Variants in TTC31 observed in about 807,000 individuals in gnomAD.
TTC31 encodes tetratricopeptide repeat domain 31.
TTC31 carries 59 observed loss-of-function variants against 60.4 expected under a neutral mutation model. The observed-to-expected ratio is 0.98, with a 90% CI of 0.79 to 1.21. The LOEUF is 1.21. TTC31 is among the 50% of genes most tolerant of loss of function. The pLI is 0.00. For synonymous variants in TTC31, 225 were observed against 249.6 expected (o/e 0.90, Z 0.93); for missense variants, 672 against 646.9 (o/e 1.04, Z -0.42).
chr2:74,486,829 G>T (rs1369703024), intron 2 of TTC31, among the ~76,000 whole-genome samples: 6 of 151,852 alleles, frequency 4.0e-5, no homozygotes, highest in Non-Finnish European at 7.4e-5. Flanking sequence ...GGAGGCGGAG[G>T]TTGCGGTGAG....
chr2:74,490,150 C>G, intron 3 of TTC31, 23 bp downstream of exon 3: 1 of 1,608,394 alleles, frequency 6.2e-7, no homozygotes, highest in Non-Finnish European at 8.5e-7. Context: ...GGGACCGGGC[C>G]CAGGGATCGA....
intron 2 of TTC31, among the ~76,000 whole-genome samples, chr2:74,485,625 C>T (rs897534269): frequency 9.9e-5 from 15 of 151,898 alleles, no homozygotes; most frequent in Middle Eastern, 6.8e-3. Flanking sequence ...CGCCTGCCAC[C>T]ACGCCTGGCT....
chr2:74,490,832 T>C, intron 5 of TTC31, 93 bp downstream of exon 5: 4 of 1,285,406 alleles, frequency 3.1e-6, no homozygotes, highest in Admixed American at 2.3e-5. Flanking sequence ...GAGCTCAAGA[T>C]GGCCTGCAGT....
intron 2 of TTC31, among the ~76,000 whole-genome samples, chr2:74,485,664 G>A (rs1306719096): frequency 6.6e-6 from 1 of 151,310 alleles, no homozygotes; most frequent in African/African-American, 2.4e-5. Context: ...TAGAGACAGG[G>A]TTTCACCATG....
Position 74,490,262 on chromosome 2 carries a change from T to G in TTC31, c.251T>G (p.Leu84Trp), listed in dbSNP as rs1250834446. ...CTGACAGATTACCTCCTGGGCCACT[T>G]GGATGATGAAGGGAAATCAACTGGA... Reference protein sequence around the residue: ...LWHHDYLLGHLDDEGKSTGQS... With the variant: ...LWHHDYLLGHWDDEGKSTGQS... Residue 84 changes from leucine (L) to tryptophan (W), a missense_variant, in exon 4 of 13, where the codon TTG becomes TGG. Coordinates refer to ENST00000233623, the MANE Select transcript of TTC31 (RefSeq NM_022492.6). The G allele has an allele frequency of 3.1e-6, 5 of 1,613,874 alleles. No homozygotes were observed. Among genetic ancestry groups the G allele is most frequent in the Non-Finnish European group, 4.2e-6 (5 of 1,179,938 alleles).
chr2:74,483,806 A>T (rs1170472877), intron 2 of TTC31: 1 of 251,346 alleles, frequency 4.0e-6, no homozygotes, highest in Non-Finnish European at 7.6e-6. Context: ...GTGAGACCCC[A>T]TCTCTACAAA....
At position 74,491,308 on chromosome 2, in the gene TTC31, C is replaced by G; in HGVS notation, c.617C>G (p.Ser206Ter). Residue 206 changes from serine to a stop codon, truncating the protein, a stop_gained, in exon 7 of 13, where the codon TCA becomes TGA. Transcript: ENST00000233623. LOFTEE classifies it high-confidence loss of function. ...TCTTTCTTCCAGGCCAGCACTACCT[C>G]AGATGGAGATGAGAGCCCCCCATCC... ...YCGEPKASTT[S>*]DGDESPPSSP... 1 of 1,614,178 alleles carries G rather than the reference C, an allele frequency of 6.2e-7. No homozygotes were observed. The highest frequency in any genetic ancestry group is 8.5e-7 in the Non-Finnish European group (1 of 1,180,034).
intron 2 of TTC31, 138 bp downstream of exon 2, chr2:74,483,548 C>T: frequency 6.6e-7 from 1 of 1,526,658 alleles, no homozygotes; most frequent in South Asian, 1.2e-5. Context: ...TCCGGCCATG[C>T]CCTTGAGGAT....
At chr2:74,488,226 AGCAGTATTGGAGAT>A (rs899907290) in intron 2 of TTC31, among the ~76,000 whole-genome samples, 4 of 152,224 alleles carry the variant, frequency 2.6e-5, no homozygotes, top group African/African-American at 7.2e-5. Context: ...GAAAGTGCCT[AGCAGTATTGGAGAT>A]GCTGTTAAGC....
Position 74,492,172 on chromosome 2 carries a change from A to G in TTC31, c.962A>G (p.Tyr321Cys), listed in dbSNP as rs1006089019. 1.2e-6 allele frequency: 2 copies of G among 1,614,126 alleles called. No homozygotes were observed. Among genetic ancestry groups the G allele is most frequent in the Non-Finnish European group, 8.5e-7 (1 of 1,180,014 alleles). ...ACCAGCTTTGCTCAAAATGGTTTCT[A>G]CCATGAGGCCGTGGTCCTCTTCACC... ...LGTSFAQNGFYHEAVVLFTQA... is the reference protein window; with the variant it reads ...LGTSFAQNGFCHEAVVLFTQA... Residue 321 changes from tyrosine to cysteine, a missense_variant, in exon 10 of 13, where the codon TAC becomes TGC. Coordinates refer to ENST00000233623, the MANE Select transcript of TTC31 (RefSeq NM_022492.6).
In TTC31 at chr2:74,483,134, A is replaced by T. The variant is rs1240825505; in HGVS notation, c.39A>T (p.Leu13=). The T allele has an allele frequency of 6.2e-7, 1 of 1,614,074 alleles. No individual in the cohort carries two copies. Among genetic ancestry groups the T allele is most frequent in the African/African-American group, 1.3e-5 (1 of 74,934 alleles). Residue 13 remains leucine, a splice_region_variant and synonymous_variant, in exon 1 of 13, where the codon CTA becomes CTT. Transcript: ENST00000233623. ...PIPKTVGRIK[L]DCSLRPSCPL... ...CAAAGACTGTGGGGCGGATCAAGCT[A>T]GGTGAGCGGTATGACAAGACCAGTG...
intron 6 of TTC31, 26 bp from the exon 7 acceptor site, chr2:74,491,269 T>C (rs747903214): frequency 6.2e-7 from 1 of 1,614,114 alleles, no homozygotes; most frequent in South Asian, 1.1e-5. Context: ...TGATCCCAAC[T>C]CTGTACCTGT....
Position 74,491,992 on chromosome 2 carries a change from C to T in TTC31, c.877-12C>T, listed in dbSNP as rs778300364. On this transcript the variant is annotated splice_polypyrimidine_tract_variant and intron_variant, in intron 8 of 12. Transcript: ENST00000233623. The stretch of plus-strand genomic sequence containing the variant: ...ACCTCAAGACCTGCTTGACTTTGCA[C>T]CCTATCCCCAGGCATCTCCGGGACT... 7 of 1,614,228 alleles carry T rather than the reference C, an allele frequency of 4.3e-6. No homozygotes were observed. The highest frequency in any genetic ancestry group is 1.1e-5 in the South Asian group (1 of 91,090).
Position 74,483,365 on chromosome 2 carries a change from A to G in TTC31, c.84A>G (p.Ala28=). ...GCTGCCCACTGGAGGTCGCTGCTGC[A>G]CCCAAACTTTGCAAGGAATTCGGTC... ...RPSCPLEVAA[A]PKLCKEFGPE... The change falls in exon 2 of 13, where the codon GCA becomes GCG. Residue 28 remains alanine (A), a synonymous_variant. Coordinates refer to ENST00000233623, the MANE Select transcript of TTC31 (RefSeq NM_022492.6). The G allele has an allele frequency of 6.2e-7, 1 of 1,614,140 alleles. No individual in the cohort carries two copies. Among genetic ancestry groups the G allele is most frequent in the Non-Finnish European group, 8.5e-7 (1 of 1,180,020 alleles).
chr2:74,483,266 A>T, intron 1 of TTC31, 56 bp from the exon 2 acceptor site: 5 of 1,612,188 alleles, frequency 3.1e-6, no homozygotes, highest in Non-Finnish European at 1.7e-6. Flanking sequence ...AGTGGGGAGG[A>T]CTCTAGCCCA....
intron 2 of TTC31, among the ~76,000 whole-genome samples, chr2:74,487,483 G>T (rs1038339026): frequency 3.3e-5 from 5 of 151,976 alleles, no homozygotes; most frequent in South Asian, 4.2e-4. Flanking sequence ...CTCCCGAATT[G>T]CTGGGATTAC....
chr2:74,485,364 A>G (rs1403137543), intron 2 of TTC31, among the ~76,000 whole-genome samples: 43 of 150,230 alleles, frequency 2.9e-4, no homozygotes, highest in Admixed American at 2.8e-3. Context: ...GAAGCCCCTC[A>G]TTTCCGTTCC....
chr2:74,484,113 T>C (rs1039271078), intron 2 of TTC31, among the ~76,000 whole-genome samples: 7 of 151,268 alleles, frequency 4.6e-5, no homozygotes, highest in African/African-American at 1.7e-4. Flanking sequence ...GGTGTGCGCC[T>C]GTAATCCCAG....
intron 2 of TTC31, among the ~76,000 whole-genome samples, chr2:74,485,815 G>A (rs910175951): frequency 1.1e-4 from 17 of 151,458 alleles, no homozygotes; most frequent in African/African-American, 4.1e-4. Context: ...TGTTGGTCAT[G>A]CTGATCTCAA....
Sources: allele counts gnomAD v4.1 joint callset (sites outside exome capture counted in the v4.1 genomes callset), GRCh38; gene constraint gnomAD v4.1.1; transcripts MANE v1.5; gene names NCBI Gene and HGNC (gene_info 2026-07-23, HGNC 2026-07-21).